XKR6: variants seen among roughly 807,000 people sequenced by gnomAD.
XKR6 encodes the protein XK related 6, also known as XK-related protein 6.
Under a neutral mutation model 56.7 loss-of-function variants are expected in XKR6, and 22 were observed. The observed-to-expected ratio is 0.39, with a 90% CI of 0.28 to 0.55. The LOEUF (loss-of-function observed/expected upper bound fraction) is 0.55. XKR6 is among the 20% of genes least tolerant of loss of function. XKR6 has a pLI of 0.66. For missense variants in XKR6, 852 were observed against 889.0 expected (o/e 0.96, Z 0.53); for synonymous variants, 524 against 387.8 (o/e 1.35, Z -4.13).
chr8:10,910,041 A>G (rs1463559594), intron 2 of XKR6, among the ~76,000 whole-genome samples: 1 of 151,972 alleles, frequency 6.6e-6, no homozygotes, highest in Non-Finnish European at 1.5e-5. Flanking sequence ...ACTAACAGCA[A>G]TGCAATGATT....
chr8:11,067,146 T>C (rs1800002213), intron 1 of XKR6: 1 of 152,198 alleles, frequency 6.6e-6, no homozygotes, highest in East Asian at 1.9e-4. Flanking sequence ...CCCAGGCTGG[T>C]GGGGAGGGGA....
intron 1 of XKR6, chr8:11,062,517 C>G: frequency 5.6e-6 from 2 of 354,176 alleles, no homozygotes; most frequent in Non-Finnish European, 1.1e-5. Context: ...ATCACCATCT[C>G]TCCTCTACCT....
At chr8:10,972,915 A>G (rs554386362) in intron 1 of XKR6, among the ~76,000 whole-genome samples, 1 of 152,318 alleles carries the variant, frequency 6.6e-6, no homozygotes, top group South Asian at 2.1e-4. Context: ...AAAGAGCTAT[A>G]CCAAGAGTCC....
intron 2 of XKR6, among the ~76,000 whole-genome samples, chr8:10,922,415 C>T (rs970888164): frequency 2.0e-5 from 3 of 152,240 alleles, no homozygotes; most frequent in African/African-American, 7.2e-5. Flanking sequence ...GTCGGCAGCA[C>T]ATCCTGGCAC....
At chr8:11,185,352 GA>G (rs1803216943) in intron 1 of XKR6, among the ~76,000 whole-genome samples, 1 of 152,196 alleles carries the variant, frequency 6.6e-6, no homozygotes, top group Non-Finnish European at 1.5e-5. Context: ...TTTGTGAACA[GA>G]AATATGCCAC....
intron 1 of XKR6, among the ~76,000 whole-genome samples, chr8:10,976,193 C>T (rs1218473909): frequency 4.9e-5 from 5 of 101,062 alleles, no homozygotes; most frequent in African/African-American, 2.2e-4. Context: ...AAAAAAAGTG[C>T]CCCCCCCCAA....
intron 1 of XKR6, among the ~76,000 whole-genome samples, chr8:11,094,621 G>A (rs562770726): frequency 6.6e-6 from 1 of 152,296 alleles, no homozygotes; most frequent in South Asian, 2.1e-4. Flanking sequence ...ATCCACTGCA[G>A]TGCACAGACT....
intron 1 of XKR6, among the ~76,000 whole-genome samples, chr8:11,112,822 G>C (rs779310193): frequency 6.6e-6 from 1 of 152,176 alleles, no homozygotes; most frequent in African/African-American, 2.4e-5. Flanking sequence ...CTTAGTGTAT[G>C]TGAATAATTC....
At chr8:11,141,525 G>C (rs879136247) in intron 1 of XKR6, among the ~76,000 whole-genome samples, 1 of 152,234 alleles carries the variant, frequency 6.6e-6, no homozygotes, top group Admixed American at 6.5e-5. Flanking sequence ...GCGGTCCTTA[G>C]AGGATAGGTG....
intron 1 of XKR6, among the ~76,000 whole-genome samples, chr8:11,051,839 A>G (rs1362951013): frequency 1.3e-5 from 2 of 152,174 alleles, no homozygotes; most frequent in African/African-American, 4.8e-5. Flanking sequence ...CAAAAACAAA[A>G]AAAAACCCAA....
At chr8:11,112,988 G>T (rs749314819) in intron 1 of XKR6, among the ~76,000 whole-genome samples, 1 of 152,096 alleles carries the variant, frequency 6.6e-6, no homozygotes, top group East Asian at 1.9e-4. Context: ...CTCCAGAAGA[G>T]AAACATGAAA....
At chr8:11,194,367 G>A (rs1340757971) in intron 1 of XKR6, 1 of 152,126 alleles carries the variant, frequency 6.6e-6, no homozygotes, top group Non-Finnish European at 1.5e-5. Flanking sequence ...TATGTCCTGC[G>A]CTTTTCTTAA....
At chr8:11,008,204 C>T (rs4841476) in intron 1 of XKR6, among the ~76,000 whole-genome samples, 47,761 of 152,024 alleles carry the variant, frequency 0.31, 7,978 homozygotes, top group Middle Eastern at 0.37. Flanking sequence ...CCCAATCTCT[C>T]TAGCTTGTCT....
intron 1 of XKR6, among the ~76,000 whole-genome samples, chr8:11,073,173 C>T (rs1334839362): frequency 6.6e-6 from 1 of 152,170 alleles, no homozygotes; most frequent in African/African-American, 2.4e-5. Flanking sequence ...TGATTGATAT[C>T]GTCACCTTTC....
chr8:11,075,880 C>G (rs146397358), intron 1 of XKR6, among the ~76,000 whole-genome samples: 247 of 151,674 alleles, frequency 1.6e-3, no homozygotes, highest in African/African-American at 5.8e-3. Context: ...CCCCCCGACC[C>G]AAAAAAAACG....
intron 1 of XKR6, among the ~76,000 whole-genome samples, chr8:10,954,641 A>T (rs892021668): frequency 2.0e-5 from 3 of 152,154 alleles, no homozygotes; most frequent in African/African-American, 7.2e-5. Flanking sequence ...CCTCTGAAGC[A>T]CAGAAATTTT....
intron 1 of XKR6, among the ~76,000 whole-genome samples, chr8:11,131,229 CTTTA>C (rs1160609628): frequency 2.0e-5 from 3 of 152,054 alleles, no homozygotes; most frequent in Non-Finnish European, 2.9e-5. Context: ...CAGGCTTTTT[CTTTA>C]TTTGTTACAC....
At chr8:11,028,099 C>A (rs186544923) in intron 1 of XKR6, among the ~76,000 whole-genome samples, 1 of 152,098 alleles carries the variant, frequency 6.6e-6, no homozygotes. Flanking sequence ...ACCCTAAAAA[C>A]CCCCTGTGCT....
At chr8:11,130,637 T>C (rs1313857658) in intron 1 of XKR6, among the ~76,000 whole-genome samples, 1 of 150,418 alleles carries the variant, frequency 6.6e-6, no homozygotes, top group Non-Finnish European at 1.5e-5. Context: ...AAGTTAACTA[T>C]CCCCACCTAA....
Sources: allele counts gnomAD v4.1 joint callset (sites outside exome capture counted in the v4.1 genomes callset), GRCh38; gene constraint gnomAD v4.1.1; transcripts MANE v1.5; gene names NCBI Gene and HGNC (gene_info 2026-07-23, HGNC 2026-07-21).